The following ADCK1 variants were observed in gnomAD, a reference collection of about 807,000 sequenced individuals.
The protein encoded by ADCK1 is aarF domain containing kinase 1, also known as aarF domain-containing protein kinase 1.
Under a neutral mutation model 52.3 loss-of-function variants are expected in ADCK1, and 41 were observed. The observed-to-expected ratio is 0.78, with a 90% CI of 0.61 to 1.02. The LOEUF is 1.02. Ranked by LOEUF, ADCK1 falls within the 50% of genes least tolerant of loss-of-function variation. The pLI is 0.00. For missense variants in ADCK1, 658 were observed against 679.5 expected (o/e 0.97, Z 0.35); for synonymous variants, 250 against 274.6 (o/e 0.91, Z 0.89).
chr14:77,899,702 C>T (rs926168709), intron 6 of ADCK1, among the ~76,000 whole-genome samples: 2 of 152,138 alleles, frequency 1.3e-5, no homozygotes, highest in Non-Finnish European at 2.9e-5. Flanking sequence ...AGAAATACTG[C>T]AGTTATGGAA....
chr14:77,816,174 T>C (rs2081445828), intron 1 of ADCK1, among the ~76,000 whole-genome samples: 1 of 152,162 alleles, frequency 6.6e-6, no homozygotes, highest in South Asian at 2.1e-4. Context: ...GATTATACTT[T>C]AGAAATACTA....
chr14:77,870,551 C>T (rs543705165), intron 4 of ADCK1, among the ~76,000 whole-genome samples: 67 of 152,308 alleles, frequency 4.4e-4, no homozygotes, highest in Non-Finnish European at 8.1e-4. Flanking sequence ...CGAGGAGGCT[C>T]TTTCCATCAT....
At chr14:77,808,741 A>T (rs2081279552) in intron 1 of ADCK1, among the ~76,000 whole-genome samples, 1 of 152,080 alleles carries the variant, frequency 6.6e-6, no homozygotes, top group South Asian at 2.1e-4. Flanking sequence ...ACGCCTGGTT[A>T]ATTTTTGTAT....
chr14:77,862,472 T>C (rs1386978017), intron 4 of ADCK1, among the ~76,000 whole-genome samples: 2 of 152,168 alleles, frequency 1.3e-5, no homozygotes, highest in Non-Finnish European at 2.9e-5. Flanking sequence ...TGGATGAGAC[T>C]GGGGGTCTTT....
At position 77,931,552 on chromosome 14, in the gene ADCK1, T is replaced by C; in HGVS notation, c.1241T>C (p.Leu414Pro). 6.2e-7 allele frequency: 1 copy of C among 1,613,908 alleles called. No homozygotes were observed. The highest frequency in any genetic ancestry group is 1.1e-5 in the South Asian group (1 of 91,076). The change falls in exon 10 of 11, where the codon CTC becomes CCC. Residue 414 changes from leucine (L) to proline (P), a missense_variant. Leu to Pro is a moderately conservative substitution (Grantham distance 98). Transcript: ENST00000238561. ...LEIRNNAANYLPQISHLLNHV... is the reference protein window; with the variant it reads ...LEIRNNAANYPPQISHLLNHV... The stretch of plus-strand genomic sequence containing the variant: ...ATTCGCAACAACGCGGCCAACTACC[T>C]CCCCCAGATCAGCCATCTCCTCAAC...
chr14:77,815,621 T>C (rs2081432288), intron 1 of ADCK1, among the ~76,000 whole-genome samples: 1 of 148,372 alleles, frequency 6.7e-6, no homozygotes, highest in Non-Finnish European at 1.5e-5. Flanking sequence ...CTGGGTTAAG[T>C]GATTCTCCTG....
intron 3 of ADCK1, among the ~76,000 whole-genome samples, chr14:77,825,523 C>T (rs2081676633): frequency 6.6e-6 from 1 of 152,172 alleles, no homozygotes; most frequent in African/African-American, 2.4e-5. Flanking sequence ...AAGGTATGTT[C>T]CATGAGGACA....
At chr14:77,817,396 G>T (rs529826551) in intron 1 of ADCK1, among the ~76,000 whole-genome samples, 155 of 152,336 alleles carry the variant, frequency 1.0e-3, no homozygotes, top group African/African-American at 3.4e-3. Flanking sequence ...CAAGTGGCTT[G>T]GTGGCGTGCT....
At chr14:77,812,194 T>C (rs1251700247) in intron 1 of ADCK1, among the ~76,000 whole-genome samples, 1 of 152,194 alleles carries the variant, frequency 6.6e-6, no homozygotes, top group Non-Finnish European at 1.5e-5. Context: ...TACAGTAGTA[T>C]TAACTAGAGT....
At chr14:77,864,797 A>G (rs1288667293) in intron 4 of ADCK1, among the ~76,000 whole-genome samples, 1 of 152,212 alleles carries the variant, frequency 6.6e-6, no homozygotes, top group East Asian at 1.9e-4. Flanking sequence ...AGAGTGGCCC[A>G]GCAGGCTGGA....
chr14:77,840,925 G>T (rs2082053223), intron 3 of ADCK1, among the ~76,000 whole-genome samples: 1 of 134,650 alleles, frequency 7.4e-6, no homozygotes, highest in South Asian at 2.9e-4. Flanking sequence ...GGGAGGGAGG[G>T]AGGGAGGGAG....
intron 3 of ADCK1, among the ~76,000 whole-genome samples, chr14:77,828,465 T>C (rs1476133736): frequency 6.6e-6 from 1 of 152,204 alleles, no homozygotes; most frequent in Non-Finnish European, 1.5e-5. Flanking sequence ...TTTTCCTCAT[T>C]TCTTCTATAC....
intron 6 of ADCK1, among the ~76,000 whole-genome samples, chr14:77,899,776 A>G (rs1254741641): frequency 6.6e-6 from 1 of 152,186 alleles, no homozygotes; most frequent in Non-Finnish European, 1.5e-5. Flanking sequence ...ACACTCAAAA[A>G]AATTCATCAG....
At chr14:77,837,921 C>A (rs1328126222) in intron 3 of ADCK1, among the ~76,000 whole-genome samples, 1 of 152,202 alleles carries the variant, frequency 6.6e-6, no homozygotes, top group East Asian at 1.9e-4. Context: ...TTTCTCTTGC[C>A]TCAGTGGCCA....
At chr14:77,877,623 GTC>G (rs2140182449) in intron 4 of ADCK1, among the ~76,000 whole-genome samples, 1 of 152,294 alleles carries the variant, frequency 6.6e-6, no homozygotes, top group East Asian at 1.9e-4. Flanking sequence ...GCTCTCTCCA[GTC>G]TCTGTGTCTC....
At chr14:77,914,758 T>G (rs1323215558) in intron 7 of ADCK1, among the ~76,000 whole-genome samples, 1 of 152,196 alleles carries the variant, frequency 6.6e-6, no homozygotes, top group Non-Finnish European at 1.5e-5. Flanking sequence ...CTGTGAAGTT[T>G]TGTAAAAACA....
chr14:77,907,594 C>T (rs905904490), intron 6 of ADCK1, among the ~76,000 whole-genome samples: 13 of 152,184 alleles, frequency 8.5e-5, no homozygotes, highest in Non-Finnish European at 1.3e-4. Flanking sequence ...AAGGAGTGGG[C>T]GGAGGCCTGC....
chr14:77,884,151 A>AT (rs1326169418), intron 4 of ADCK1, among the ~76,000 whole-genome samples: 3 of 152,196 alleles, frequency 2.0e-5, no homozygotes, highest in Middle Eastern at 3.2e-3. Flanking sequence ...CAATGAGCAC[A>AT]TGTTCCTGGG....
rs764375038 is a variant in ADCK1, at chr14:77,924,574, G to C, written c.976G>C (p.Glu326Gln). 17 of 1,613,680 alleles carry C rather than the reference G, an allele frequency of 1.1e-5. No individual in the cohort carries two copies. The highest frequency in any genetic ancestry group is 4.4e-5 in the South Asian group (4 of 91,096). Residue 326 changes from glutamate (E) to glutamine (Q), a missense_variant, in exon 8 of 11, where the codon GAG becomes CAG. By Grantham distance (29) the Glu-to-Gln change is conservative. Transcript: ENST00000238561. The part of the protein sequence containing the change: ...VRKHPGTGKA[E>Q]IVLLDHGLYQ... ...GAAGCACCCCGGCACGGGAAAGGCGGAGATTGTCCTGTTGGACCATGGGCT... is the reference window on the plus strand; with the variant it reads ...GAAGCACCCCGGCACGGGAAAGGCGCAGATTGTCCTGTTGGACCATGGGCT...
Sources: gnomAD v4.1 joint callset for allele counts (sites outside exome capture counted in the v4.1 genomes callset) on GRCh38, gnomAD v4.1.1 for gene constraint, MANE v1.5 for transcripts, NCBI Gene and HGNC (gene_info 2026-07-23, HGNC 2026-07-21) for gene names.